MAPRE3: variants seen among roughly 807,000 people sequenced by gnomAD.
The protein encoded by MAPRE3 is microtubule-associated protein RP/EB family member 3.
MAPRE3 carries 2 observed loss-of-function variants against 30.5 expected under a neutral mutation model. The ratio of observed to expected loss-of-function variants is 0.07; its 90% confidence interval spans 0.03 to 0.21. The LOEUF is 0.21. Ranked by LOEUF, MAPRE3 falls within the 10% of genes least tolerant of loss-of-function variation. The probability of loss-of-function intolerance (pLI) is 1.00; values close to 1 mark genes in which losing one functional copy is unlikely to be tolerated. For synonymous variants in MAPRE3, 110 were observed against 127.7 expected, an observed-to-expected ratio of 0.86 and a Z score of 0.93; for missense variants, 204 against 351.8, an observed-to-expected ratio of 0.58 and a Z score of 3.36.
chr2:26,977,071 T>A (rs958854861), intron 1 of MAPRE3, among the ~76,000 whole-genome samples: 1 of 151,976 alleles, frequency 6.6e-6, no homozygotes, highest in South Asian at 2.1e-4. Flanking sequence ...ACTTTTAATA[T>A]CAGTGAAAAA....
Position 26,991,957 on chromosome 2 carries a change from CCT to C in MAPRE3, c.-8+21156_-8+21157del, listed in dbSNP as rs762157037. On this transcript the variant is annotated intron_variant, in intron 1 of 6. Coordinates refer to ENST00000233121, the MANE Select transcript of MAPRE3 (RefSeq NM_012326.4). Reference sequence around the variant, plus strand: ...TTAGGCCACACGTGGAAATTGATTCCCTGCCTTTCACCACCACCACCACACAC... The same window carrying C: ...TTAGGCCACACGTGGAAATTGATTCCGCCTTTCACCACCACCACCACACAC... 7.6e-4 allele frequency among the ~76,000 whole-genome samples: 115 copies of C among 152,138 alleles called. 1 individual carries two copies. Among genetic ancestry groups the C allele is most frequent in the Admixed American group, 2.6e-3 (40 of 15,266 alleles).
chr2:26,984,654 T>C (rs1666183897), intron 1 of MAPRE3: 2 of 152,264 alleles, frequency 1.3e-5, no homozygotes, highest in Non-Finnish European at 2.9e-5. Flanking sequence ...TAGCTCCCTC[T>C]TCCCACCAGA....
chr2:26,992,453 G>A (rs574248711), intron 1 of MAPRE3, among the ~76,000 whole-genome samples: 17 of 151,838 alleles, frequency 1.1e-4, no homozygotes, highest in East Asian at 5.8e-4. Context: ...TTGAACTCCC[G>A]ACGTCAGGTG....
At chr2:26,973,943 G>T (rs1437520530) in intron 1 of MAPRE3, among the ~76,000 whole-genome samples, 1 of 152,164 alleles carries the variant, frequency 6.6e-6, no homozygotes, top group African/African-American at 2.4e-5. Flanking sequence ...TGTCTCCCTC[G>T]CTTAGGATGT....
chr2:26,991,894 C>T (rs1173993559), intron 1 of MAPRE3, among the ~76,000 whole-genome samples: 3 of 152,162 alleles, frequency 2.0e-5, no homozygotes, highest in South Asian at 2.1e-4. Context: ...ATTGAAATAA[C>T]TTGCGTAAAT....
chr2:27,025,974 A>G lies in MAPRE3; in HGVS notation c.719A>G (p.His240Arg). The change falls in exon 6 of 7, where the codon CAT becomes CGT. Residue 240 changes from histidine (H) to arginine (R), a missense_variant. His to Arg is a conservative substitution (Grantham distance 29). This residue lies in a region of MAPRE3 where 42 missense variants were observed against 81.2 expected (regional missense o/e 0.52). Coordinates refer to ENST00000233121, the MANE Select transcript of MAPRE3 (RefSeq NM_012326.4). The stretch of plus-strand genomic sequence containing the variant: ...GACATCGAGCTCATCTGCCAGGAGC[A>G]TGAAAGTGAAAACAGCCCTGTTATC... The part of the protein sequence containing the change: ...LRDIELICQE[H>R]ESENSPVISG... 1 of 1,614,260 alleles carries G rather than the reference A, an allele frequency of 6.2e-7. No individual in the cohort carries two copies. The highest frequency in any genetic ancestry group is 2.2e-5 in the East Asian group (1 of 44,884).
At chr2:26,991,904 T>C (rs1572750459) in intron 1 of MAPRE3, among the ~76,000 whole-genome samples, 2 of 152,150 alleles carry the variant, frequency 1.3e-5, no homozygotes, top group African/African-American at 4.8e-5. Flanking sequence ...CTTGCGTAAA[T>C]CATGCTAGAC....
At chr2:27,002,419 CTT>C (rs11372255) in intron 1 of MAPRE3, among the ~76,000 whole-genome samples, 3 of 146,932 alleles carry the variant, frequency 2.0e-5, no homozygotes, top group Non-Finnish European at 3.0e-5. Context: ...GGCTTTTAAT[CTT>C]TTTTTTTTTT....
chr2:27,018,169 G>A (rs1183246316), intron 1 of MAPRE3, among the ~76,000 whole-genome samples: 1 of 152,084 alleles, frequency 6.6e-6, no homozygotes, highest in Non-Finnish European at 1.5e-5. Flanking sequence ...AAACTCCCAG[G>A]GCCAACCTAA....
At chr2:27,014,235 G>C (rs1016702225) in intron 1 of MAPRE3, 2 of 152,126 alleles carry the variant, frequency 1.3e-5, no homozygotes, top group Admixed American at 6.5e-5. Flanking sequence ...TATACTGCAG[G>C]GTTTCCGTTA....
At chr2:27,006,074 C>T (rs575018808) in intron 1 of MAPRE3, among the ~76,000 whole-genome samples, 127 of 152,132 alleles carry the variant, frequency 8.3e-4, no homozygotes, top group African/African-American at 2.9e-3. Context: ...CCCAGCTACT[C>T]GGGAGGCTGA....
chr2:26,985,700 C>A lies in MAPRE3; in HGVS notation c.-8+14898C>A, dbSNP rs964980012. ...TATAGGACAAAAGAATAGGTATTAC[C>A]TTATATGGCAATAAGTGTTAATTAA... On this transcript the variant is annotated intron_variant, in intron 1 of 6. Coordinates refer to ENST00000233121, the MANE Select transcript of MAPRE3 (RefSeq NM_012326.4). The surrounding 1 kb of genome is among the most constrained non-coding windows in gnomAD (Gnocchi z 4.2). Among the ~76,000 whole-genome samples the A allele has an allele frequency of 6.6e-6, 1 of 152,102 alleles. No individual in the cohort carries two copies. The highest frequency in any genetic ancestry group is 1.5e-5 in the Non-Finnish European group (1 of 68,022).
chr2:27,015,757 G>T lies in MAPRE3; in HGVS notation c.-7-6455G>T, dbSNP rs190601165. 3.4e-3 allele frequency among the ~76,000 whole-genome samples: 516 copies of T among 152,304 alleles called. 1 individual carries two copies. Among genetic ancestry groups the T allele is most frequent in the Middle Eastern group, 0.02 (6 of 294 alleles). On this transcript the variant is annotated intron_variant, in intron 1 of 6. Coordinates refer to ENST00000233121, the MANE Select transcript of MAPRE3 (RefSeq NM_012326.4). This position sits in a 1 kb window ranked among gnomAD's most constrained non-coding sequence, Gnocchi z 4.0. Reference sequence around the variant, plus strand: ...AATAATAGAATGTGAAATTTCAGTTGTGCAGACTTATTGGCCATCTTTATG... The same window carrying T: ...AATAATAGAATGTGAAATTTCAGTTTTGCAGACTTATTGGCCATCTTTATG...
At chr2:26,976,918 A>G (rs1666025707) in intron 1 of MAPRE3, among the ~76,000 whole-genome samples, 1 of 152,246 alleles carries the variant, frequency 6.6e-6, no homozygotes, top group Non-Finnish European at 1.5e-5. Context: ...AAATAATTGT[A>G]AAAGATTTAT....
chr2:27,021,397 G>A (rs753112505), intron 1 of MAPRE3, among the ~76,000 whole-genome samples: 6 of 152,176 alleles, frequency 3.9e-5, no homozygotes, highest in Non-Finnish European at 7.3e-5. Context: ...TTAATTGCTG[G>A]TGATGACATT....
intron 1 of MAPRE3, among the ~76,000 whole-genome samples, chr2:26,972,230 T>C (rs746221805): frequency 3.3e-5 from 5 of 152,216 alleles, no homozygotes; most frequent in Non-Finnish European, 2.9e-5. Flanking sequence ...CTCCAGATGG[T>C]AAAAGGAACG....
intron 1 of MAPRE3, among the ~76,000 whole-genome samples, chr2:27,001,485 GAGAC>G (rs1405763828): frequency 6.6e-6 from 1 of 152,178 alleles, no homozygotes; most frequent in Non-Finnish European, 1.5e-5. Flanking sequence ...CAGTGTGGGT[GAGAC>G]AGAGTGAGAT....
At chr2:26,989,905 G>T (rs1441798392) in intron 1 of MAPRE3, among the ~76,000 whole-genome samples, 1 of 152,202 alleles carries the variant, frequency 6.6e-6, no homozygotes, top group South Asian at 2.1e-4. Flanking sequence ...CCAGCTGTGT[G>T]TGGTAGCTCA....
intron 1 of MAPRE3, chr2:26,995,682 T>C (rs1010620941): frequency 1.4e-4 from 21 of 152,076 alleles, no homozygotes; most frequent in African/African-American, 4.8e-4. Flanking sequence ...TAGCTTTTCC[T>C]TTATGATGGA....
Sources: gnomAD v4.1 joint callset for allele counts (sites outside exome capture counted in the v4.1 genomes callset) on GRCh38, gnomAD v4.1.1 for gene constraint, gnomAD v4.1.1 regional missense constraint, Gnocchi (gnomAD v3.1) non-coding constraint, MANE v1.5 for transcripts, NCBI Gene and HGNC (gene_info 2026-07-23, HGNC 2026-07-21) for gene names.